ADK: variants seen among roughly 807,000 people sequenced by gnomAD.
ADK encodes adenosine kinase.
In ADK, 24 loss-of-function variants were observed where a neutral mutation model predicts 44.7. The observed-to-expected ratio is 0.54, with a 90% CI of 0.39 to 0.76. The LOEUF is 0.76. ADK is among the 30% of genes least tolerant of loss of function. The pLI, the probability that ADK is intolerant of heterozygous loss-of-function variation, is 0.00. For synonymous variants in ADK, 128 were observed against 142.6 expected, an observed-to-expected ratio of 0.90 and a Z score of 0.73; for missense variants, 321 against 425.1, an observed-to-expected ratio of 0.76 and a Z score of 2.15.
Position 74,394,330 on chromosome 10 carries a change from G to A in ADK, c.446+17G>A, listed in dbSNP as rs747117198. ...TGACAACAGGTCAGTGTAATTCCAA[G>A]GGAACCACTATACTAATTGGCTATT... On this transcript the variant is annotated intron_variant, in intron 5 of 10. Coordinates refer to ENST00000539909, the MANE Select transcript of ADK (RefSeq NM_006721.4). The A allele has an allele frequency of 6.2e-7, 1 of 1,612,288 alleles. No individual in the cohort carries two copies. Among genetic ancestry groups the A allele is most frequent in the Admixed American group, 1.7e-5 (1 of 60,018 alleles).
chr10:74,592,823 A>G (rs544423033), intron 8 of ADK, among the ~76,000 whole-genome samples: 2 of 152,352 alleles, frequency 1.3e-5, no homozygotes, highest in South Asian at 2.1e-4. Flanking sequence ...AGGATTAATT[A>G]AAATTAAATA....
chr10:74,599,796 T>A (rs1185572238), intron 8 of ADK, among the ~76,000 whole-genome samples: 2 of 152,212 alleles, frequency 1.3e-5, no homozygotes, highest in African/African-American at 4.8e-5. Flanking sequence ...GAAAATTAAG[T>A]CTTTGTAGGA....
At chr10:74,528,120 G>A (rs1033115249) in intron 7 of ADK, 2 of 1,082,342 alleles carry the variant, frequency 1.8e-6, no homozygotes, top group Non-Finnish European at 2.7e-6. Flanking sequence ...TATCAGAAGT[G>A]TCATGATCGA....
At chr10:74,464,230 C>T (rs757089650) in intron 6 of ADK, among the ~76,000 whole-genome samples, 4 of 151,988 alleles carry the variant, frequency 2.6e-5, no homozygotes, top group African/African-American at 9.7e-5. Flanking sequence ...GTAAGGATAT[C>T]ATGTGAGTGT....
At chr10:74,627,174 G>T (rs761329679) in intron 9 of ADK, among the ~76,000 whole-genome samples, 5 of 151,712 alleles carry the variant, frequency 3.3e-5, no homozygotes, top group Non-Finnish European at 5.9e-5. Context: ...TGAGAATTTG[G>T]CACACAGGGT....
intron 6 of ADK, among the ~76,000 whole-genome samples, chr10:74,400,749 C>T (rs1276591963): frequency 1.3e-5 from 2 of 152,194 alleles, no homozygotes; most frequent in Non-Finnish European, 2.9e-5. Flanking sequence ...AAGGAAGCAA[C>T]GCAGTTTATC....
intron 7 of ADK, among the ~76,000 whole-genome samples, chr10:74,548,843 G>A (rs1423207305): frequency 6.6e-6 from 1 of 152,172 alleles, no homozygotes; most frequent in Non-Finnish European, 1.5e-5. Context: ...ATAAAGCCAG[G>A]CAACTTGGGA....
intron 1 of ADK, among the ~76,000 whole-genome samples, chr10:74,193,190 A>G (rs1382421122): frequency 6.6e-6 from 1 of 152,102 alleles, no homozygotes; most frequent in Non-Finnish European, 1.5e-5. Flanking sequence ...TAGCCACTGT[A>G]TAGTGTCTAT....
At chr10:74,565,412 A>G (rs1389729644) in intron 7 of ADK, among the ~76,000 whole-genome samples, 2 of 152,194 alleles carry the variant, frequency 1.3e-5, no homozygotes, top group Non-Finnish European at 2.9e-5. Flanking sequence ...ACAAGTTGTC[A>G]TATCAATAAT....
chr10:74,221,360 G>C (rs1844301249), intron 2 of ADK, among the ~76,000 whole-genome samples: 1 of 150,140 alleles, frequency 6.7e-6, no homozygotes, highest in African/African-American at 2.4e-5. Flanking sequence ...ACTGCTCAAT[G>C]AAATAAAAGA....
intron 6 of ADK, among the ~76,000 whole-genome samples, chr10:74,495,135 AT>A (rs1847636556): frequency 6.6e-6 from 1 of 152,072 alleles, no homozygotes; most frequent in Non-Finnish European, 1.5e-5. Context: ...CTAAAGTTTC[AT>A]GATAAATAAT....
intron 6 of ADK, among the ~76,000 whole-genome samples, chr10:74,469,725 T>C (rs1308055813): frequency 6.6e-6 from 1 of 152,222 alleles, no homozygotes; most frequent in Non-Finnish European, 1.5e-5. Flanking sequence ...TTGTGTGCAA[T>C]AGATTTCTTG....
intron 3 of ADK, among the ~76,000 whole-genome samples, chr10:74,241,460 A>T (rs746701808): frequency 5.3e-5 from 8 of 152,180 alleles, no homozygotes; most frequent in Non-Finnish European, 1.0e-4. Context: ...ATCTCAGCTC[A>T]CTGCAACCTC....
intron 7 of ADK, among the ~76,000 whole-genome samples, chr10:74,576,756 C>T (rs887818602): frequency 6.6e-6 from 1 of 152,048 alleles, no homozygotes; most frequent in African/African-American, 2.4e-5. Flanking sequence ...ACTTTGTAAC[C>T]ACCTAAATGC....
chr10:74,611,140 C>T (rs1852524819), intron 9 of ADK, among the ~76,000 whole-genome samples: 1 of 152,076 alleles, frequency 6.6e-6, no homozygotes, highest in African/African-American at 2.4e-5. Context: ...CCTCCCTTCC[C>T]AGCCTCCTAA....
intron 4 of ADK, among the ~76,000 whole-genome samples, chr10:74,333,203 A>G (rs1368909911): frequency 6.6e-6 from 1 of 152,202 alleles, no homozygotes; most frequent in African/African-American, 2.4e-5. Flanking sequence ...AGAAATTTAA[A>G]TTTGTGATTG....
intron 3 of ADK, among the ~76,000 whole-genome samples, chr10:74,290,801 C>T (rs770753287): frequency 1.3e-5 from 2 of 152,024 alleles, no homozygotes; most frequent in Non-Finnish European, 2.9e-5. Flanking sequence ...TTAAAGGTGA[C>T]CCTTTAAGAT....
intron 6 of ADK, among the ~76,000 whole-genome samples, chr10:74,509,886 T>C (rs1421175590): frequency 2.0e-5 from 3 of 152,234 alleles, no homozygotes; most frequent in Non-Finnish European, 4.4e-5. Flanking sequence ...CCTCCAGTTT[T>C]ATCTATGTTG....
chr10:74,504,871 A>G (rs987335182), intron 6 of ADK, among the ~76,000 whole-genome samples: 2 of 152,214 alleles, frequency 1.3e-5, no homozygotes, highest in Non-Finnish European at 2.9e-5. Flanking sequence ...AGGCCTCCCC[A>G]GCCATGCAGA....
Sources: gnomAD v4.1 joint callset for allele counts (sites outside exome capture counted in the v4.1 genomes callset) on GRCh38, gnomAD v4.1.1 for gene constraint, MANE v1.5 for transcripts, NCBI Gene and HGNC (gene_info 2026-07-23, HGNC 2026-07-21) for gene names.